Variants in MAGI1 observed in about 807,000 individuals in gnomAD.
MAGI1 encodes the protein membrane-associated guanylate kinase, WW and PDZ domain-containing protein 1.
In MAGI1, 58 loss-of-function variants were observed where a neutral mutation model predicts 139.9. That is an observed-to-expected ratio of 0.41 (90% CI 0.34 to 0.52). The LOEUF (loss-of-function observed/expected upper bound fraction) is 0.52. MAGI1 is among the 20% of genes least tolerant of loss of function. MAGI1 has a pLI of 0.12. For missense variants in MAGI1, 1,874 were observed against 1,901.6 expected (o/e 0.99, Z 0.27); for synonymous variants, 812 against 737.9 (o/e 1.10, Z -1.63).
intron 1 of MAGI1, among the ~76,000 whole-genome samples, chr3:65,811,995 A>G (rs896375956): frequency 2.0e-5 from 3 of 151,482 alleles, no homozygotes. Flanking sequence ...TATAAACACA[A>G]AACTATTTCT....
intron 1 of MAGI1, chr3:65,914,320 C>T (rs959735103): frequency 1.3e-5 from 2 of 152,200 alleles, no homozygotes; most frequent in African/African-American, 4.8e-5. Flanking sequence ...TATTTCAGAA[C>T]AAAGATCGAT....
chr3:65,454,657 T>A (rs992127217), intron 5 of MAGI1, among the ~76,000 whole-genome samples: 1 of 150,974 alleles, frequency 6.6e-6, no homozygotes, highest in Non-Finnish European at 1.5e-5. Context: ...CGGTTGTAAA[T>A]TTGGGAGTTG....
chr3:65,484,389 G>A (rs1575957333), intron 3 of MAGI1, among the ~76,000 whole-genome samples: 1 of 152,150 alleles, frequency 6.6e-6, no homozygotes, highest in African/African-American at 2.4e-5. Flanking sequence ...CAGGATGGTA[G>A]TGACCACCTA....
At chr3:65,460,529 G>A (rs73133323) in intron 5 of MAGI1, among the ~76,000 whole-genome samples, 8,264 of 150,954 alleles carry the variant, frequency 0.055, 258 homozygotes, top group Admixed American at 0.089. Flanking sequence ...AATACTACTT[G>A]CATTACTTAT....
chr3:65,859,396 A>G (rs114411946), intron 1 of MAGI1, among the ~76,000 whole-genome samples: 1,955 of 151,656 alleles, frequency 0.013, 48 homozygotes, highest in African/African-American at 0.045. Flanking sequence ...TTTAGCATGG[A>G]GTCACTCATG....
At chr3:65,630,732 G>A (rs571110623) in intron 1 of MAGI1, among the ~76,000 whole-genome samples, 1 of 152,126 alleles carries the variant, frequency 6.6e-6, no homozygotes, top group Non-Finnish European at 1.5e-5. Context: ...AGGTGGGTGA[G>A]GGATAAAAGA....
At chr3:66,026,533 G>A (rs1207105253) in intron 1 of MAGI1, among the ~76,000 whole-genome samples, 2 of 150,576 alleles carry the variant, frequency 1.3e-5, no homozygotes, top group Non-Finnish European at 2.9e-5. Flanking sequence ...CCTACAGAGG[G>A]CAGAGACTAC....
At chr3:65,950,078 CAAA>C (rs751496271) in intron 1 of MAGI1, among the ~76,000 whole-genome samples, 18,847 of 40,154 alleles carry the variant, frequency 0.47, 3,269 homozygotes, top group Non-Finnish European at 0.54. Flanking sequence ...AAAAAAAAAA[CAAA>C]AAAAAAAACA....
At chr3:65,807,270 G>T (rs1001268035) in intron 1 of MAGI1, among the ~76,000 whole-genome samples, 1 of 152,174 alleles carries the variant, frequency 6.6e-6, no homozygotes, top group African/African-American at 2.4e-5. Flanking sequence ...CAACATTCCA[G>T]CAGATGTGGT....
intron 2 of MAGI1, among the ~76,000 whole-genome samples, chr3:65,604,434 T>C (rs1045754570): frequency 6.6e-6 from 1 of 152,322 alleles, no homozygotes; most frequent in Admixed American, 6.5e-5. Context: ...ATTTATCTGA[T>C]GCTTTTTAAA....
chr3:65,539,689 G>A (rs2079122879), intron 2 of MAGI1, among the ~76,000 whole-genome samples: 1 of 152,158 alleles, frequency 6.6e-6, no homozygotes, highest in Non-Finnish European at 1.5e-5. Context: ...GGGCACTCTA[G>A]CAGACTGTGG....
chr3:65,630,385 T>C (rs1047919901), intron 1 of MAGI1, among the ~76,000 whole-genome samples: 10 of 152,086 alleles, frequency 6.6e-5, no homozygotes, highest in Non-Finnish European at 1.0e-4. Flanking sequence ...GTGAATGGCA[T>C]ATGCAAAAGT....
chr3:65,518,555 A>C (rs139772816), intron 2 of MAGI1, among the ~76,000 whole-genome samples: 1 of 152,302 alleles, frequency 6.6e-6, no homozygotes, highest in African/African-American at 2.4e-5. Context: ...CCTGTACCCT[A>C]AATTCCTTGA....
At chr3:65,690,778 G>A (rs1559790344) in intron 1 of MAGI1, among the ~76,000 whole-genome samples, 1 of 115,752 alleles carries the variant, frequency 8.6e-6, no homozygotes. Context: ...ACAGGCATGA[G>A]CCACCACATC....
intron 1 of MAGI1, among the ~76,000 whole-genome samples, chr3:65,886,728 A>G (rs1369123371): frequency 6.6e-6 from 1 of 152,242 alleles, no homozygotes; most frequent in African/African-American, 2.4e-5. Context: ...GAATCACAGT[A>G]GCGTAGGACT....
intron 1 of MAGI1, among the ~76,000 whole-genome samples, chr3:65,899,394 T>C (rs998622393): frequency 1.3e-5 from 2 of 152,130 alleles, no homozygotes; most frequent in African/African-American, 4.8e-5. Context: ...ACATGTCCCA[T>C]TATGACCATT....
chr3:65,905,485 T>C lies in MAGI1; in HGVS notation c.313+132511A>G, dbSNP rs1250805346. Among the ~76,000 whole-genome samples the C allele has an allele frequency of 2.7e-5, 4 of 150,150 alleles. No homozygotes were observed. In the East Asian group the frequency reaches 5.8e-4, roughly 22 times the overall value. ...CACCCTGGGTGACAGAGTAAGACCT[T>C]GCCTTAAAAAAAAAAAAAAATTCTT... On this transcript the variant is annotated intron_variant, in intron 1 of 22. Transcript: ENST00000402939.
At chr3:65,805,621 A>G (rs960619988) in intron 1 of MAGI1, among the ~76,000 whole-genome samples, 2 of 152,350 alleles carry the variant, frequency 1.3e-5, no homozygotes, top group East Asian at 3.9e-4. Flanking sequence ...TCATTCTATT[A>G]CAAAGGTACA....
chr3:65,479,551 AT>A lies in MAGI1; in HGVS notation c.551-754del, dbSNP rs546978484. Among the ~76,000 whole-genome samples the A allele has an allele frequency of 1.8e-3, 271 of 152,228 alleles. 1 individual carries two copies. Among genetic ancestry groups the A allele is most frequent in the Middle Eastern group, 0.014 (4 of 294 alleles). ...TTTTTTTATTTTAATAGATACATAT[AT>A]TTTTAATTTGCCATAGAGAAATCTC... On this transcript the variant is annotated intron_variant, in intron 3 of 22. Coordinates refer to ENST00000402939, the MANE Select transcript of MAGI1 (RefSeq NM_001033057.2).
Sources: allele counts gnomAD v4.1 joint callset (sites outside exome capture counted in the v4.1 genomes callset), GRCh38; gene constraint gnomAD v4.1.1; transcripts MANE v1.5; gene names NCBI Gene and HGNC (gene_info 2026-07-23, HGNC 2026-07-21).